Variants in SLC27A6 observed in about 807,000 individuals in gnomAD.
The protein encoded by SLC27A6 is long-chain fatty acid transport protein 6.
In SLC27A6, 74 loss-of-function variants were observed where a neutral mutation model predicts 63.9. The ratio of observed to expected loss-of-function variants is 1.16; its 90% CI spans 0.96 to 1.40. The LOEUF (loss-of-function observed/expected upper bound fraction) is 1.40. SLC27A6 is among the 40% of genes most tolerant of loss of function. The probability of loss-of-function intolerance (pLI) is 0.00; values close to 1 mark genes in which losing one functional copy is unlikely to be tolerated. For synonymous variants in SLC27A6, 287 were observed against 260.8 expected (o/e 1.10, Z -0.97); for missense variants, 794 against 732.9 (o/e 1.08, Z -0.96).
chr5:129,014,200 A>C (rs1028307450), intron 4 of SLC27A6, among the ~76,000 whole-genome samples: 1 of 152,230 alleles, frequency 6.6e-6, no homozygotes, highest in African/African-American at 2.4e-5. Context: ...TAAAAATTAC[A>C]TAATAGAGAT....
chr5:129,020,734 C>A (rs1148738), intron 5 of SLC27A6, among the ~76,000 whole-genome samples: 108 of 151,824 alleles, frequency 7.1e-4, no homozygotes, highest in Non-Finnish European at 4.1e-4. Context: ...CCCACAAGAC[C>A]ACTCCCATTT....
chr5:128,985,987 C>T (rs992626363), intron 2 of SLC27A6, among the ~76,000 whole-genome samples: 3 of 152,096 alleles, frequency 2.0e-5, no homozygotes, highest in African/African-American at 7.2e-5. Flanking sequence ...AAGTAAACAA[C>T]AGCAATAACA....
intron 9 of SLC27A6, among the ~76,000 whole-genome samples, chr5:129,031,864 G>T (rs1324421827): frequency 6.6e-6 from 1 of 151,944 alleles, no homozygotes; most frequent in Non-Finnish European, 1.5e-5. Flanking sequence ...ATGTTTGCTT[G>T]CACAGCCATA....
intron 4 of SLC27A6, among the ~76,000 whole-genome samples, chr5:129,006,506 C>T (rs573296224): frequency 1.2e-3 from 178 of 147,180 alleles, no homozygotes; most frequent in African/African-American, 4.4e-3. Context: ...GTGTGAGTGC[C>T]AAAAATATAA....
chr5:128,981,350 G>C (rs962287893), intron 1 of SLC27A6, among the ~76,000 whole-genome samples: 1 of 151,858 alleles, frequency 6.6e-6, no homozygotes, highest in Admixed American at 6.6e-5. Context: ...GTGTGGTGGT[G>C]GGCATCTGTA....
intron 4 of SLC27A6, among the ~76,000 whole-genome samples, chr5:129,007,230 G>A (rs981298110): frequency 2.0e-5 from 3 of 151,898 alleles, no homozygotes; most frequent in Non-Finnish European, 2.9e-5. Flanking sequence ...TGGATCACAA[G>A]GTCAGGAGTT....
At position 128,966,404 on chromosome 5, in the gene SLC27A6, C is replaced by T; in HGVS notation, c.267C>T (p.Ser89=). ...IYTYQDVDKR[S]SRVAHVFLNH... ...CCTATCAGGATGTAGACAAAAGGAGCAGCAGAGTGGCCCATGTCTTCCTGA... is the reference window on the plus strand; with the variant it reads ...CCTATCAGGATGTAGACAAAAGGAGTAGCAGAGTGGCCCATGTCTTCCTGA... Residue 89 remains serine (S), a synonymous_variant, in exon 1 of 10, where the codon AGC becomes AGT. Transcript: ENST00000262462. 1.2e-6 allele frequency: 2 copies of T among 1,610,756 alleles called. No homozygotes were observed. The highest frequency in any genetic ancestry group is 1.7e-6 in the Non-Finnish European group (2 of 1,178,432).
chr5:128,968,444 G>C (rs1454151015), intron 1 of SLC27A6, among the ~76,000 whole-genome samples: 1 of 151,994 alleles, frequency 6.6e-6, no homozygotes. Flanking sequence ...ACTTTTTAAT[G>C]ATCGCCATTC....
Position 129,033,355 on chromosome 5 carries a change from TG to T in SLC27A6, c.*77del. 1 of 863,580 alleles carries T rather than the reference TG, an allele frequency of 1.2e-6. No homozygotes were observed. The highest frequency in any genetic ancestry group is 1.7e-6 in the Non-Finnish European group (1 of 578,596). 53.5% of individuals were successfully genotyped at this position (863,580 alleles called of 1,614,324 possible). A position where few individuals can be genotyped will look rare whatever the true frequency, so the allele number is the denominator to read the frequency against. On this transcript the variant is annotated 3_prime_UTR_variant, in exon 10 of 10. Coordinates refer to ENST00000262462, the MANE Select transcript of SLC27A6 (RefSeq NM_001017372.3). ...GGGGGGTATATGATTCTTTATGAAATGGGGAAAGGGAGCTAACATTAATTAT... is the reference window on the plus strand; with the variant it reads ...GGGGGGTATATGATTCTTTATGAAATGGGAAAGGGAGCTAACATTAATTAT...
chr5:128,969,482 T>C (rs1218183256), intron 1 of SLC27A6, among the ~76,000 whole-genome samples: 1 of 152,212 alleles, frequency 6.6e-6, no homozygotes, highest in East Asian at 1.9e-4. Context: ...GTCCTTCACA[T>C]CCCTTGTAAG....
intron 1 of SLC27A6, among the ~76,000 whole-genome samples, chr5:128,968,391 G>A (rs144335530): frequency 5.3e-5 from 8 of 151,954 alleles, no homozygotes; most frequent in Non-Finnish European, 4.4e-5. Context: ...GTGTCAAAGT[G>A]TTCCTATTTC....
intron 4 of SLC27A6, among the ~76,000 whole-genome samples, chr5:128,999,181 G>A (rs900047356): frequency 6.6e-6 from 1 of 152,104 alleles, no homozygotes; most frequent in Non-Finnish European, 1.5e-5. Context: ...AGGTTGACTA[G>A]AACACGGGGT....
chr5:129,013,240 G>A (rs1258275555), intron 4 of SLC27A6, among the ~76,000 whole-genome samples: 3 of 151,550 alleles, frequency 2.0e-5, no homozygotes, highest in Non-Finnish European at 4.4e-5. Flanking sequence ...CTCTTTTCTG[G>A]TCCTCTTCAT....
intron 1 of SLC27A6, among the ~76,000 whole-genome samples, chr5:128,982,715 A>C (rs2150132851): frequency 6.6e-6 from 1 of 152,168 alleles, no homozygotes; most frequent in South Asian, 2.1e-4. Flanking sequence ...CTAACTTGTC[A>C]CTCCTCCTAT....
At chr5:128,967,157 A>C (rs2526249) in intron 1 of SLC27A6, among the ~76,000 whole-genome samples, 36,325 of 151,660 alleles carry the variant, frequency 0.24, 5,002 homozygotes, top group Middle Eastern at 0.33. Context: ...GGCTCTTGGC[A>C]GACTCTAGGA....
At chr5:128,989,018 T>TC (rs1242098810) in intron 3 of SLC27A6, among the ~76,000 whole-genome samples, 1 of 152,206 alleles carries the variant, frequency 6.6e-6, no homozygotes, top group African/African-American at 2.4e-5. Context: ...CTCCTTGTAG[T>TC]CACTCACCCT....
At chr5:129,006,906 T>C (rs995566996) in intron 4 of SLC27A6, among the ~76,000 whole-genome samples, 2 of 149,238 alleles carry the variant, frequency 1.3e-5, no homozygotes, top group Non-Finnish European at 3.0e-5. Context: ...GTAAATCTTA[T>C]CTAAAGTGCA....
At chr5:129,027,783 A>C (rs1207938899) in intron 7 of SLC27A6, among the ~76,000 whole-genome samples, 1 of 152,116 alleles carries the variant, frequency 6.6e-6, no homozygotes, top group Non-Finnish European at 1.5e-5. Flanking sequence ...ACTTGAATGA[A>C]TAAGTAACTT....
At chr5:129,014,417 A>G (rs567632699) in intron 4 of SLC27A6, among the ~76,000 whole-genome samples, 1 of 152,312 alleles carries the variant, frequency 6.6e-6, no homozygotes, top group East Asian at 1.9e-4. Context: ...GAGTGTCAAC[A>G]GTTACCAGGT....
Sources: gnomAD v4.1 joint callset for allele counts (sites outside exome capture counted in the v4.1 genomes callset) on GRCh38, gnomAD v4.1.1 for gene constraint, MANE v1.5 for transcripts, NCBI Gene and HGNC (gene_info 2026-07-23, HGNC 2026-07-21) for gene names.